TAF2: variants seen among roughly 807,000 people sequenced by gnomAD.
TAF2 encodes the protein transcription initiation factor TFIID subunit 2.
TAF2 carries 61 observed loss-of-function variants against 138.5 expected under a neutral mutation model. The observed-to-expected ratio is 0.44, with a 90% CI of 0.36 to 0.54. TAF2 has a LOEUF of 0.54. TAF2 is among the 20% of genes least tolerant of loss of function. The pLI is 0.00. For synonymous variants in TAF2, 475 were observed against 469.9 expected (o/e 1.01, Z -0.14); for missense variants, 1,090 against 1,427.9 (o/e 0.76, Z 3.81).
chr8:119,797,272 C>G (rs1235471014), intron 7 of TAF2, among the ~76,000 whole-genome samples, 169 bp from the exon 8 acceptor site: 1 of 152,030 alleles, frequency 6.6e-6, no homozygotes, highest in African/African-American at 2.4e-5. Context: ...TAGTAACTTG[C>G]TTAAAGCAAA....
At chr8:119,831,563 T>G (rs1356123830) in intron 2 of TAF2, 114 bp downstream of exon 2, 3 of 741,702 alleles carry the variant, frequency 4.0e-6, no homozygotes, top group Non-Finnish European at 6.7e-6. Context: ...TTCTTACCTA[T>G]TCTTGAAACA....
intron 19 of TAF2, among the ~76,000 whole-genome samples, chr8:119,761,449 T>C (rs750566870): frequency 2.0e-5 from 3 of 152,206 alleles, no homozygotes; most frequent in Non-Finnish European, 2.9e-5. Flanking sequence ...GACATATAAG[T>C]ATAATAAATT....
intron 22 of TAF2, among the ~76,000 whole-genome samples, chr8:119,753,372 C>T (rs1042212231): frequency 6.6e-6 from 1 of 152,068 alleles, no homozygotes; most frequent in Non-Finnish European, 1.5e-5. Flanking sequence ...ATTCATTTAT[C>T]CCAAAGGTTC....
intron 17 of TAF2, among the ~76,000 whole-genome samples, chr8:119,779,816 ATGT>A (rs1393897565): frequency 6.6e-6 from 1 of 152,168 alleles, no homozygotes; most frequent in African/African-American, 2.4e-5. Context: ...AAAAAAAGGA[ATGT>A]TGTTTTCTAA....
chr8:119,803,236 T>C (rs1824385667), intron 5 of TAF2, among the ~76,000 whole-genome samples: 1 of 152,232 alleles, frequency 6.6e-6, no homozygotes, highest in South Asian at 2.1e-4. Flanking sequence ...GTAAATTATG[T>C]AGGCTTGTTC....
intron 18 of TAF2, among the ~76,000 whole-genome samples, chr8:119,776,347 C>CTTTTTTTTT (rs35600902): frequency 2.2e-5 from 3 of 134,558 alleles, no homozygotes; most frequent in Non-Finnish European, 1.6e-5. Context: ...CATGCCTGTG[C>CTTTTTTTTT]TTTTTTTTTT....
intron 6 of TAF2, among the ~76,000 whole-genome samples, chr8:119,800,069 A>G (rs1824143044): frequency 6.6e-6 from 1 of 152,208 alleles, no homozygotes; most frequent in Non-Finnish European, 1.5e-5. Context: ...AGTAGATTGC[A>G]AAAATTTTTC....
intron 8 of TAF2, among the ~76,000 whole-genome samples, chr8:119,795,907 C>T (rs754298163): frequency 1.3e-5 from 2 of 152,078 alleles, no homozygotes; most frequent in African/African-American, 2.4e-5. Flanking sequence ...TCTGACAGTG[C>T]TGCTTCCCTC....
chr8:119,815,121 A>C (rs1825366869), intron 3 of TAF2, among the ~76,000 whole-genome samples: 1 of 150,420 alleles, frequency 6.6e-6, no homozygotes, highest in Admixed American at 6.6e-5. Flanking sequence ...GTCTCTACTA[A>C]AAATACAAAA....
intron 18 of TAF2, among the ~76,000 whole-genome samples, chr8:119,770,029 T>C (rs942245142): frequency 6.6e-6 from 1 of 151,452 alleles, no homozygotes; most frequent in African/African-American, 2.4e-5. Flanking sequence ...AGTGCTGGGA[T>C]TACCGGTGTA....
chr8:119,755,948 T>C (rs1820673547), intron 22 of TAF2, 58 bp downstream of exon 22: 1 of 1,346,104 alleles, frequency 7.4e-7, no homozygotes, highest in Non-Finnish European at 1.1e-6. Context: ...TGAAAATCTG[T>C]TGTAAAATCA....
chr8:119,803,944 C>G lies in TAF2; in HGVS notation c.494G>C (p.Ser165Thr). 6.2e-7 allele frequency: 1 copy of G among 1,614,090 alleles called. No homozygotes were observed. The highest frequency in any genetic ancestry group is 1.7e-5 in the Admixed American group (1 of 60,018). The change falls in exon 5 of 26, where the codon AGT becomes ACT. Residue 165 changes from serine to threonine, a missense_variant. By Grantham distance (58) the Ser-to-Thr change is moderately conservative. Around this residue, in one of 3 missense-constraint regions of TAF2, gnomAD observed 504 missense variants for 680.9 expected, o/e 0.74. Transcript: ENST00000378164. ...TCTCTCTGCCATACTTCCCTCTACA[C>G]TGGGTACCACAAAATGAAGACCTCC... ...PKGGLHFVVP[S>T]VEGSMAERGA... is the part of the protein sequence containing the mutation.
At chr8:119,803,116 A>G (rs1246837965) in intron 5 of TAF2, among the ~76,000 whole-genome samples, 1 of 152,142 alleles carries the variant, frequency 6.6e-6, no homozygotes, top group African/African-American at 2.4e-5. Context: ...GTTTCAAAAA[A>G]AATAAATAAA....
chr8:119,747,047 C>T (rs1312527103), intron 22 of TAF2, 113 bp from the exon 23 acceptor site: 12 of 1,068,450 alleles, frequency 1.1e-5, no homozygotes, highest in South Asian at 9.6e-5. Flanking sequence ...ACCTTTATCA[C>T]ACCTTTCATC....
At chr8:119,801,439 T>C (rs1013405659) in intron 6 of TAF2, among the ~76,000 whole-genome samples, 1 of 151,080 alleles carries the variant, frequency 6.6e-6, no homozygotes, top group Admixed American at 6.6e-5. Flanking sequence ...ATCTACCTTT[T>C]TTTTTTTTTT....
chr8:119,799,189 C>T (rs1019429906), intron 6 of TAF2, among the ~76,000 whole-genome samples: 3 of 152,006 alleles, frequency 2.0e-5, no homozygotes, highest in African/African-American at 7.3e-5. Context: ...ACTTTAAGTT[C>T]TACGGTACAT....
chr8:119,752,688 T>C (rs1451727546), intron 22 of TAF2, among the ~76,000 whole-genome samples: 2 of 152,194 alleles, frequency 1.3e-5, no homozygotes, highest in Non-Finnish European at 2.9e-5. Flanking sequence ...GTTGAAAAGT[T>C]TGATTCTTCA....
At position 119,801,792 on chromosome 8, in the gene TAF2, A is replaced by G; in HGVS notation, c.792+2T>C. On this transcript the variant is annotated splice_donor_variant, in intron 6 of 25. Coordinates refer to ENST00000378164, the MANE Select transcript of TAF2 (RefSeq NM_003184.4). LOFTEE classifies it high-confidence loss of function. ...GAGTAAGAGAGGAAAGCTCTGACTT[A>G]CCTCATGCATGTATGGATCTACCAG... is the stretch of plus-strand genomic sequence containing the variant. The G allele has an allele frequency of 1.2e-6, 2 of 1,611,590 alleles. No individual in the cohort carries two copies. The highest frequency in any genetic ancestry group is 1.7e-6 in the Non-Finnish European group (2 of 1,177,742).
Position 119,816,734 on chromosome 8 carries a change from T to C in TAF2, c.299+2612A>G, listed in dbSNP as rs534534336. On this transcript the variant is annotated intron_variant, in intron 3 of 25. Transcript: ENST00000378164. ...TAAACATAATATTTCTTCTGAATAA[T>C]TGGTGTGTTTTTGTCATGTCTTATG... 1.4e-4 allele frequency among the ~76,000 whole-genome samples: 21 copies of C among 152,344 alleles called. 1 individual carries two copies. Among genetic ancestry groups the C allele is most frequent in the Admixed American group, 3.9e-4 (6 of 15,298 alleles).
Sources: gnomAD v4.1 joint callset for allele counts (sites outside exome capture counted in the v4.1 genomes callset) on GRCh38, gnomAD v4.1.1 for gene constraint, gnomAD v4.1.1 regional missense constraint, MANE v1.5 for transcripts, NCBI Gene and HGNC (gene_info 2026-07-23, HGNC 2026-07-21) for gene names.